ASB9: variants seen among roughly 807,000 people sequenced by gnomAD.
ASB9 encodes the protein ankyrin repeat and SOCS box protein 9.
Under a neutral mutation model 16.6 loss-of-function variants are expected in ASB9, and 5 were observed. The observed-to-expected ratio is 0.30, with a 90% CI of 0.16 to 0.63. The LOEUF (loss-of-function observed/expected upper bound fraction) is 0.63. ASB9 is among the 30% of genes least tolerant of loss of function. The probability of loss-of-function intolerance (pLI) is 0.82; values close to 1 mark genes in which losing one functional copy is unlikely to be tolerated. For missense variants in ASB9, 216 were observed against 229.4 expected (o/e 0.94, Z 0.38); for synonymous variants, 100 against 86.4 (o/e 1.16, Z -0.87).
At position 15,244,501 on chromosome X, in the gene ASB9, T is replaced by C. The variant is rs1450873338; in HGVS notation, c.*5A>G. The C allele has an allele frequency of 8.4e-7, 1 of 1,193,695 alleles. No homozygotes were observed. Among genetic ancestry groups the C allele is most frequent in the East Asian group, 3.0e-5 (1 of 33,730 alleles). On this transcript the variant is annotated 3_prime_UTR_variant, in exon 7 of 7. Transcript: ENST00000380488. ...ATCGTTTGTGAATCCATTCCCTAGA[T>C]GCATTTAAAGATGTAGGAGAAACTG...
chrX:15,250,207 A>C (rs765994400), intron 5 of ASB9, among the ~76,000 whole-genome samples: 74 of 108,644 alleles, frequency 6.8e-4, no homozygotes, highest in South Asian at 3.6e-3. Context: ...CATCATCATC[A>C]TCCTCCTCCT....
intron 1 of ASB9, among the ~76,000 whole-genome samples, chrX:15,267,360 G>A (rs75131410): frequency 0.029 from 3,000 of 103,560 alleles, no homozygotes; most frequent in East Asian, 0.089. Context: ...GCAGTGAGCC[G>A]AGATGGTGCC....
intron 4 of ASB9, 91 bp downstream of exon 4, chrX:15,252,163 C>T: frequency 1.0e-6 from 1 of 1,001,565 alleles, no homozygotes; most frequent in Middle Eastern, 4.0e-4. Context: ...AGAACTACTG[C>T]TCTAAAATAT....
chrX:15,254,902 C>T, intron 2 of ASB9, 58 bp from the exon 3 acceptor site: 1 of 959,936 alleles, frequency 1.0e-6, no homozygotes, highest in Non-Finnish European at 1.5e-6. Context: ...CCTGGGGCTG[C>T]TTTTCAGCCA....
At chrX:15,250,204 A>C (rs1268631205) in intron 5 of ASB9, among the ~76,000 whole-genome samples, 1 of 109,439 alleles carries the variant, frequency 9.1e-6, no homozygotes, top group African/African-American at 3.4e-5. Context: ...CATCATCATC[A>C]TCATCCTCCT....
At position 15,252,211 on chromosome X, in the gene ASB9, C is replaced by T; in HGVS notation, c.433+43G>A. On this transcript the variant is annotated intron_variant, in intron 4 of 6. Coordinates refer to ENST00000380488, the MANE Select transcript of ASB9 (RefSeq NM_001031739.3). ...TTCTTTCTTTCAGCAGTAAGATGTC[C>T]CTTGAAGGAGTGGGTAGAAAAAAAA... 7 of 1,144,007 alleles carry T rather than the reference C, an allele frequency of 6.1e-6. No homozygotes were observed. In the East Asian group the frequency reaches 2.1e-4, roughly 35 times the overall value. 94.3% of individuals were successfully genotyped at this position (1,144,007 alleles called of 1,213,427 possible). A position where few individuals can be genotyped will look rare whatever the true frequency, so the allele number is the denominator to read the frequency against.
At chrX:15,269,215 C>T (rs1926792347) in intron 1 of ASB9, among the ~76,000 whole-genome samples, 1 of 111,963 alleles carries the variant, frequency 8.9e-6, no homozygotes, top group Admixed American at 9.5e-5. Context: ...CCAACAGGCA[C>T]CTGCTGAATG....
intron 1 of ASB9, 61 bp downstream of exon 1, chrX:15,269,718 CCT>C: frequency 9.9e-7 from 1 of 1,009,401 alleles, no homozygotes. Context: ...ACTGCCCAAC[CCT>C]CCTCTCCTAA....
intron 2 of ASB9, among the ~76,000 whole-genome samples, chrX:15,255,465 G>A (rs1001060037): frequency 2.7e-5 from 3 of 111,747 alleles, no homozygotes; most frequent in Non-Finnish European, 5.6e-5. Flanking sequence ...GGTTACTCCT[G>A]TGGAAGAGGG....
At chrX:15,259,459 G>A (rs746122864) in intron 1 of ASB9, among the ~76,000 whole-genome samples, 1 of 112,603 alleles carries the variant, frequency 8.9e-6, no homozygotes, top group African/African-American at 3.2e-5. Context: ...ATTATCTCCT[G>A]TCCTAATATT....
chrX:15,251,877 G>A (rs1009199064), intron 4 of ASB9, among the ~76,000 whole-genome samples: 7 of 112,533 alleles, frequency 6.2e-5, no homozygotes, highest in African/African-American at 2.3e-4. Flanking sequence ...ATAAGGTCAC[G>A]GGTATAACAA....
At chrX:15,247,048 G>A (rs750764346) in intron 6 of ASB9, among the ~76,000 whole-genome samples, 34 of 111,754 alleles carry the variant, frequency 3.0e-4, no homozygotes, top group Non-Finnish European at 5.5e-4. Flanking sequence ...ATTGAAAGAG[G>A]ACAGTAATTG....
rs936210950 is a variant in ASB9 at position 15,244,353 on chromosome X, T to A, written c.*153A>T. ...ACAAATACAAATTGAATAGAAAAAA[T>A]TAGTCAAACTCCATAAACAAGTTTA... is the stretch of plus-strand genomic sequence containing the variant. On this transcript the variant is annotated 3_prime_UTR_variant, in exon 7 of 7. Coordinates refer to ENST00000380488, the MANE Select transcript of ASB9 (RefSeq NM_001031739.3). 4 of 635,846 alleles carry A rather than the reference T, an allele frequency of 6.3e-6. No individual in the cohort carries two copies. The highest frequency in any genetic ancestry group is 6.3e-5 in the South Asian group (2 of 31,793). 52.4% of individuals were successfully genotyped at this position (635,846 alleles called of 1,213,427 possible).
rs1254792093 is a variant in ASB9, at chrX:15,254,768, C to G, written c.251G>C (p.Cys84Ser). The G allele has an allele frequency of 8.3e-7, 1 of 1,210,572 alleles. No individual in the cohort carries two copies. Among genetic ancestry groups the G allele is most frequent in the Admixed American group, 2.2e-5 (1 of 46,006 alleles). Residue 84 changes from cysteine to serine, a missense_variant, in exon 3 of 7, where the codon TGT becomes TCT. Transcript: ENST00000380488. ...TCCATGCTTTAATAAAATCTTCACA[C>G]AAGAGAGATGACCTCCAAGACAGGC... Reference protein sequence around the residue: ...HEACLGGHLSCVKILLKHGAQ... With the variant: ...HEACLGGHLSSVKILLKHGAQ...
At chrX:15,251,948 G>T (rs1332808145) in intron 4 of ASB9, among the ~76,000 whole-genome samples, 1 of 112,251 alleles carries the variant, frequency 8.9e-6, no homozygotes, top group Non-Finnish European at 1.9e-5. Context: ...CAGTAATACA[G>T]CAGTGAAAAA....
intron 1 of ASB9, among the ~76,000 whole-genome samples, chrX:15,263,126 A>G (rs1250713450): frequency 9.0e-6 from 1 of 111,701 alleles, no homozygotes; most frequent in African/African-American, 3.3e-5. Context: ...TTTAAGATGC[A>G]CTAATTGCTA....
At position 15,250,558 on chromosome X, in the gene ASB9, A is replaced by C; in HGVS notation, c.440T>G (p.Val147Gly). The change falls in exon 5 of 7, where the codon GTG becomes GGG. Residue 147 changes from valine (V) to glycine (G), a missense_variant. Val to Gly is a moderately radical substitution (Grantham distance 109). Coordinates refer to ENST00000380488, the MANE Select transcript of ASB9 (RefSeq NM_001031739.3). The stretch of plus-strand genomic sequence containing the variant: ...AGCTATAAGAGAGTTGACACACTCC[A>C]CGTGGCCTGCAGCCCAAAGCAGGAA... ...PIHEAARRGH[V>G]ECVNSLIAYG... 3.3e-6 allele frequency: 4 copies of C among 1,205,669 alleles called. No homozygotes were observed. Among genetic ancestry groups the C allele is most frequent in the Non-Finnish European group, 4.5e-6 (4 of 892,311 alleles).
At chrX:15,255,856 A>G (rs974837556) in intron 2 of ASB9, among the ~76,000 whole-genome samples, 3 of 112,107 alleles carry the variant, frequency 2.7e-5, no homozygotes, top group Non-Finnish European at 3.8e-5. Flanking sequence ...ATTGAAATGT[A>G]CCTATTAACT....
intron 5 of ASB9, 108 bp from the exon 6 acceptor site, chrX:15,249,043 T>G: frequency 1.3e-6 from 1 of 781,132 alleles, no homozygotes; most frequent in Non-Finnish European, 1.8e-6. Flanking sequence ...GGATCCATAT[T>G]GAGCACAGCA....
Sources: allele counts gnomAD v4.1 joint callset (sites outside exome capture counted in the v4.1 genomes callset), GRCh38; gene constraint gnomAD v4.1.1; transcripts MANE v1.5; gene names NCBI Gene and HGNC (gene_info 2026-07-23, HGNC 2026-07-21).